The following UNC5C variants were observed in gnomAD, a reference collection of about 807,000 sequenced individuals.
UNC5C encodes unc-5 netrin receptor C, also known as netrin receptor UNC5C.
UNC5C carries 47 observed loss-of-function variants against 99.8 expected under a neutral mutation model. The observed-to-expected ratio is 0.47, with a 90% CI of 0.37 to 0.60. The LOEUF is 0.60. Ranked by LOEUF, UNC5C falls within the 20% of genes least tolerant of loss-of-function variation. UNC5C has a pLI of 0.00. For synonymous variants in UNC5C, 487 were observed against 452.2 expected (o/e 1.08, Z -0.98); for missense variants, 1,062 against 1,165.9 (o/e 0.91, Z 1.30).
At chr4:95,227,326 T>A (rs776944616) in intron 7 of UNC5C, among the ~76,000 whole-genome samples, 14 of 151,520 alleles carry the variant, frequency 9.2e-5, no homozygotes, top group Non-Finnish European at 1.8e-4. Flanking sequence ...ATTTAAAAAA[T>A]TTTTTTTGTA....
In UNC5C at chr4:95,465,914, A is replaced by G. The variant is rs566376250; in HGVS notation, c.124+82820T>C. Among the ~76,000 whole-genome samples the G allele has an allele frequency of 1.3e-4, 20 of 152,252 alleles. 1 individual carries two copies. In the South Asian group the frequency reaches 2.7e-3, roughly 21 times the overall value. On this transcript the variant is annotated intron_variant, in intron 1 of 15. Coordinates refer to ENST00000453304, the MANE Select transcript of UNC5C (RefSeq NM_003728.4). The stretch of plus-strand genomic sequence containing the variant: ...CCAATATTCAGAGCTTTTCTTTGCC[A>G]TACTTTGACTGTAGAGATTTTCTGC...
intron 1 of UNC5C, among the ~76,000 whole-genome samples, chr4:95,394,629 A>T (rs1028667810): frequency 1.4e-5 from 2 of 143,742 alleles, no homozygotes; most frequent in African/African-American, 5.7e-5. Context: ...CAATTCTGGC[A>T]TCTGCTATGA....
Position 95,220,077 on chromosome 4 carries a change from C to T in UNC5C, c.1208G>A (p.Arg403Gln), listed in dbSNP as rs762588223. The T allele has an allele frequency of 9.9e-6, 16 of 1,614,086 alleles. No individual in the cohort carries two copies. The highest frequency in any genetic ancestry group is 4.5e-5 in the East Asian group (2 of 44,872). ...ISVVVALFVYRKNHRDFESDI... is the reference protein window; with the variant it reads ...ISVVVALFVYQKNHRDFESDI... ...TGACTCAAAGTCACGATGATTCTTC[C>T]GATACACAAACAAGGCCACAACTAC... The change falls in exon 8 of 16, where the codon CGG becomes CAG. Residue 403 changes from arginine to glutamine, a missense_variant. Coordinates refer to ENST00000453304, the MANE Select transcript of UNC5C (RefSeq NM_003728.4).
At chr4:95,265,521 C>A (rs908062662) in intron 4 of UNC5C, among the ~76,000 whole-genome samples, 3 of 152,060 alleles carry the variant, frequency 2.0e-5, no homozygotes, top group Non-Finnish European at 4.4e-5. Context: ...TAATAACACA[C>A]AACACAATGA....
intron 1 of UNC5C, among the ~76,000 whole-genome samples, chr4:95,438,962 G>C (rs1746868740): frequency 6.6e-6 from 1 of 152,112 alleles, no homozygotes; most frequent in Admixed American, 6.6e-5. Context: ...GATAGGACGA[G>C]GTCTTCCCTA....
Position 95,354,479 on chromosome 4 carries a change from A to ATATATATATATTT in UNC5C, c.125-18849_125-18848insAAATATATATATA. 1.3e-4 allele frequency among the ~76,000 whole-genome samples: 14 copies of ATATATATATATTT among 110,338 alleles called. 1 individual carries two copies. Among genetic ancestry groups the ATATATATATATTT allele is most frequent in the African/African-American group, 5.3e-4 (13 of 24,736 alleles). The allele number at this position is 110,338 out of a possible 152,430, so 72.4% of individuals were successfully genotyped here. On this transcript the variant is annotated intron_variant, in intron 1 of 15. Coordinates refer to ENST00000453304, the MANE Select transcript of UNC5C (RefSeq NM_003728.4). ...TTACCTAACTCTTCCATATATATATATTTTTTTTTTTTTTTTAAGAGACAG... is the reference window on the plus strand; with the variant it reads ...TTACCTAACTCTTCCATATATATATATATATATATATTTTTTTTTTTTTTTTTTTAAGAGACAG...
intron 1 of UNC5C, among the ~76,000 whole-genome samples, chr4:95,506,294 C>T (rs1346421500): frequency 6.6e-6 from 1 of 152,012 alleles, no homozygotes; most frequent in Non-Finnish European, 1.5e-5. Context: ...AGTGCTATGA[C>T]AGTATTTGTA....
intron 2 of UNC5C, among the ~76,000 whole-genome samples, chr4:95,326,402 A>G (rs942774869): frequency 8.5e-5 from 13 of 152,210 alleles, no homozygotes; most frequent in Admixed American, 7.2e-4. Flanking sequence ...TGGAAACAAG[A>G]GTTGAAAAGG....
intron 4 of UNC5C, among the ~76,000 whole-genome samples, chr4:95,252,707 GT>G (rs2149382790): frequency 6.6e-6 from 1 of 152,238 alleles, no homozygotes; most frequent in African/African-American, 2.4e-5. Context: ...GAGCACCAAC[GT>G]GACACCACAA....
At chr4:95,342,037 G>A (rs1743599127) in intron 1 of UNC5C, among the ~76,000 whole-genome samples, 1 of 152,140 alleles carries the variant, frequency 6.6e-6, no homozygotes, top group African/African-American at 2.4e-5. Context: ...GCCACCATGG[G>A]CTAAGGGCTG....
chr4:95,178,993 T>G lies in UNC5C; in HGVS notation c.2451+3904A>C, dbSNP rs3796466. ...TCTAGTAATTTTAGTTGCTATTAGT[T>G]CTTCCTTTACTTCCAGGTAAAAGTA... On this transcript the variant is annotated intron_variant, in intron 14 of 15. Transcript: ENST00000453304. Among the ~76,000 whole-genome samples the G allele has an allele frequency of 2.5e-4, 38 of 152,366 alleles. No individual in the cohort carries two copies. The East Asian group carries it at 6.2e-3, about 25-fold the overall frequency.
At chr4:95,236,881 C>T (rs1051382410) in intron 7 of UNC5C, among the ~76,000 whole-genome samples, 1 of 152,024 alleles carries the variant, frequency 6.6e-6, no homozygotes, top group Admixed American at 6.6e-5. Context: ...TTTACAATAA[C>T]AAAGAATATA....
At chr4:95,334,818 A>G (rs902391531) in intron 2 of UNC5C, among the ~76,000 whole-genome samples, 2 of 151,936 alleles carry the variant, frequency 1.3e-5, no homozygotes, top group Non-Finnish European at 2.9e-5. Flanking sequence ...AAGGGCTACA[A>G]TTACCATTTC....
chr4:95,527,600 G>T (rs1045903915), intron 1 of UNC5C, among the ~76,000 whole-genome samples: 7 of 151,956 alleles, frequency 4.6e-5, no homozygotes, highest in Admixed American at 3.3e-4. Flanking sequence ...ACATAGTAAA[G>T]ATTTATAATT....
At chr4:95,206,864 C>A in intron 10 of UNC5C, 68 bp from the exon 11 acceptor site, 1 of 1,223,242 alleles carries the variant, frequency 8.2e-7, no homozygotes, top group East Asian at 3.0e-5. Context: ...CACTTGGGTT[C>A]TGAAGGCAAA....
At chr4:95,236,341 C>T (rs1441253874) in intron 7 of UNC5C, among the ~76,000 whole-genome samples, 2 of 151,410 alleles carry the variant, frequency 1.3e-5, no homozygotes, top group African/African-American at 2.4e-5. Flanking sequence ...GGACAAAAAA[C>T]CAAACATCGC....
intron 1 of UNC5C, among the ~76,000 whole-genome samples, chr4:95,348,606 T>A (rs1332897633): frequency 9.4e-5 from 14 of 148,898 alleles, no homozygotes; most frequent in African/African-American, 1.7e-4. Context: ...ATTAAAAGTA[T>A]TTTTTAATGA....
At chr4:95,516,011 A>T (rs11936914) in intron 1 of UNC5C, among the ~76,000 whole-genome samples, 9,215 of 152,294 alleles carry the variant, frequency 0.061, 697 homozygotes, top group African/African-American at 0.18. Flanking sequence ...AAAAACGTTG[A>T]AGTGAACTGA....
chr4:95,482,438 G>C (rs1721187753), intron 1 of UNC5C, among the ~76,000 whole-genome samples: 1 of 149,750 alleles, frequency 6.7e-6, no homozygotes. Context: ...AACCATTGTG[G>C]AAGTCAGTGT....
Sources: allele counts gnomAD v4.1 joint callset (sites outside exome capture counted in the v4.1 genomes callset), GRCh38; gene constraint gnomAD v4.1.1; transcripts MANE v1.5; gene names NCBI Gene and HGNC (gene_info 2026-07-23, HGNC 2026-07-21).